The following SUPT3H variants were observed in gnomAD, a reference collection of about 807,000 sequenced individuals.
The protein encoded by SUPT3H is SPT3 homolog, SAGA and STAGA complex component.
Under a neutral mutation model 44.3 loss-of-function variants are expected in SUPT3H, and 44 were observed. That is an observed-to-expected ratio of 0.99 (90% CI 0.78 to 1.28). The LOEUF (loss-of-function observed/expected upper bound fraction) is 1.28. SUPT3H is among the 50% of genes most tolerant of loss of function. The pLI, the probability that SUPT3H is intolerant of heterozygous loss-of-function variation, is 0.00. For missense variants in SUPT3H, 380 were observed against 387.1 expected (o/e 0.98, Z 0.15); for synonymous variants, 124 against 125.6 (o/e 0.99, Z 0.09).
At chr6:44,845,506 T>C (rs917247990) in intron 10 of SUPT3H, among the ~76,000 whole-genome samples, 3 of 152,252 alleles carry the variant, frequency 2.0e-5, no homozygotes, top group East Asian at 1.9e-4. Context: ...GGTGGGTCCC[T>C]GGTGAGGGCT....
intron 3 of SUPT3H, among the ~76,000 whole-genome samples, chr6:45,088,001 A>G (rs1796687675): frequency 6.6e-6 from 1 of 152,068 alleles, no homozygotes; most frequent in Non-Finnish European, 1.5e-5. Flanking sequence ...TCTTATTTCA[A>G]TGATAGTTAA....
Position 45,171,638 on chromosome 6 carries a change from C to T in SUPT3H, c.102-65632G>A, listed in dbSNP as rs1467082258. 2.0e-5 allele frequency among the ~76,000 whole-genome samples: 3 copies of T among 151,584 alleles called. No homozygotes were observed. In the East Asian group the frequency reaches 5.8e-4, roughly 29 times the overall value. On this transcript the variant is annotated intron_variant, in intron 2 of 10. Transcript: ENST00000371459. ...ATTATGATCTTATGTAATATCAACA[C>T]CTAGCTGTCATAAAATGCAGACGAC...
intron 3 of SUPT3H, among the ~76,000 whole-genome samples, chr6:45,028,896 C>CAAAAAAAAAAAAAAAAAA (rs57234806): frequency 4.2e-5 from 3 of 71,050 alleles, no homozygotes; most frequent in African/African-American, 6.3e-5. Context: ...AAACAGTTGC[C>CAAAAAAAAAAAAAAAAAA]AAAAAAAAAA....
intron 2 of SUPT3H, among the ~76,000 whole-genome samples, chr6:45,321,172 C>A (rs1178848616): frequency 2.0e-5 from 3 of 151,950 alleles, no homozygotes; most frequent in Non-Finnish European, 4.4e-5. Context: ...CATTTTTTTA[C>A]TGTGAATAAA....
chr6:45,127,574 T>C (rs1430624739), intron 2 of SUPT3H, among the ~76,000 whole-genome samples: 1 of 152,156 alleles, frequency 6.6e-6, no homozygotes, highest in East Asian at 1.9e-4. Context: ...AAATCCAGAG[T>C]TAGCATTCTC....
intron 10 of SUPT3H, among the ~76,000 whole-genome samples, chr6:44,849,417 C>T (rs914201817): frequency 1.3e-5 from 2 of 150,976 alleles, no homozygotes; most frequent in Admixed American, 1.3e-4. Flanking sequence ...TTAGTAGAGA[C>T]GGGGTTTCAC....
intron 10 of SUPT3H, among the ~76,000 whole-genome samples, chr6:44,924,960 C>A (rs1048171625): frequency 4.6e-5 from 7 of 152,078 alleles, no homozygotes; most frequent in Admixed American, 1.3e-4. Flanking sequence ...ACATAAGATG[C>A]AGACAAACCT....
intron 2 of SUPT3H, among the ~76,000 whole-genome samples, chr6:45,214,531 T>C (rs1379524800): frequency 2.6e-5 from 4 of 152,108 alleles, no homozygotes; most frequent in Admixed American, 2.6e-4. Flanking sequence ...AGATGGATCA[T>C]AAAGTACAGA....
At chr6:45,132,592 T>C (rs1156843428) in intron 2 of SUPT3H, among the ~76,000 whole-genome samples, 11 of 152,204 alleles carry the variant, frequency 7.2e-5, no homozygotes, top group Admixed American at 6.5e-4. Context: ...TTAGTGATAT[T>C]TCTACAAAAG....
At chr6:44,911,089 C>A (rs1186412318) in intron 10 of SUPT3H, among the ~76,000 whole-genome samples, 1 of 147,068 alleles carries the variant, frequency 6.8e-6, no homozygotes, top group Non-Finnish European at 1.5e-5. Flanking sequence ...TTTTTTAAAG[C>A]TATTGCTAAC....
At chr6:45,137,741 A>G (rs1024897546) in intron 2 of SUPT3H, among the ~76,000 whole-genome samples, 4 of 151,984 alleles carry the variant, frequency 2.6e-5, no homozygotes, top group Non-Finnish European at 2.9e-5. Flanking sequence ...ATAAAGATAT[A>G]AGATTGAGAA....
chr6:45,068,951 A>G (rs1333499625), intron 3 of SUPT3H, among the ~76,000 whole-genome samples: 1 of 151,502 alleles, frequency 6.6e-6, no homozygotes, highest in African/African-American at 2.4e-5. Flanking sequence ...AAAAAACAAA[A>G]TGCTTGCTTG....
chr6:45,257,097 C>T (rs965562509), intron 2 of SUPT3H, among the ~76,000 whole-genome samples: 1 of 152,210 alleles, frequency 6.6e-6, no homozygotes, highest in Non-Finnish European at 1.5e-5. Flanking sequence ...CTCACCAACA[C>T]TTGTTGCTAT....
intron 10 of SUPT3H, among the ~76,000 whole-genome samples, chr6:44,865,766 C>T (rs1251081065): frequency 6.6e-6 from 1 of 152,082 alleles, no homozygotes; most frequent in Non-Finnish European, 1.5e-5. Flanking sequence ...CAAACCATAC[C>T]AGGAGCCTTA....
intron 10 of SUPT3H, among the ~76,000 whole-genome samples, chr6:44,867,885 T>C (rs3799976): frequency 3.3e-5 from 5 of 151,996 alleles, no homozygotes; most frequent in African/African-American, 4.8e-5. Flanking sequence ...ATAAAGTATG[T>C]TTGTTTGATG....
rs1797713793 is a variant in SUPT3H, at chr6:45,095,828, C to T, written c.186+10094G>A. On this transcript the variant is annotated intron_variant, in intron 3 of 10. Transcript: ENST00000371459. The surrounding 1 kb of genome is among the most constrained non-coding windows in gnomAD (Gnocchi z 4.1). ...AATTTGCAGTTGGCACAAATCTCTACTTACTTCAAATGTGATTTAACTCAA... is the reference window on the plus strand; with the variant it reads ...AATTTGCAGTTGGCACAAATCTCTATTTACTTCAAATGTGATTTAACTCAA... 6.6e-6 allele frequency among the ~76,000 whole-genome samples: 1 copy of T among 152,112 alleles called. No individual in the cohort carries two copies. Among genetic ancestry groups the T allele is most frequent in the Non-Finnish European group, 1.5e-5 (1 of 67,992 alleles).
At chr6:45,059,167 A>C (rs1791582296) in intron 3 of SUPT3H, among the ~76,000 whole-genome samples, 1 of 152,162 alleles carries the variant, frequency 6.6e-6, no homozygotes, top group East Asian at 1.9e-4. Flanking sequence ...TCCCTGATGA[A>C]CATTGGTGCA....
At chr6:45,262,542 T>C (rs1360536011) in intron 2 of SUPT3H, among the ~76,000 whole-genome samples, 6 of 152,068 alleles carry the variant, frequency 3.9e-5, no homozygotes, top group African/African-American at 1.4e-4. Flanking sequence ...ATGTAAGACC[T>C]AAAACTACAA....
At chr6:44,864,750 A>C (rs564632411) in intron 10 of SUPT3H, among the ~76,000 whole-genome samples, 1 of 152,302 alleles carries the variant, frequency 6.6e-6, no homozygotes, top group South Asian at 2.1e-4. Flanking sequence ...CCAGCCCACA[A>C]AAAAAACACT....
Sources: allele counts gnomAD v4.1 joint callset (sites outside exome capture counted in the v4.1 genomes callset), GRCh38; gene constraint gnomAD v4.1.1; non-coding constraint Gnocchi (gnomAD v3.1); transcripts MANE v1.5; gene names NCBI Gene and HGNC (gene_info 2026-07-23, HGNC 2026-07-21).